EML3: variants seen among roughly 807,000 people sequenced by gnomAD.
The protein encoded by EML3 is echinoderm microtubule-associated protein-like 3.
Under a neutral mutation model 106.7 loss-of-function variants are expected in EML3, and 53 were observed. That is an observed-to-expected ratio of 0.50 (90% CI 0.40 to 0.62). The LOEUF (loss-of-function observed/expected upper bound fraction) is 0.62, where lower values mean the gene tolerates loss of function less well. EML3 is among the 20% of genes least tolerant of loss of function. The pLI is 0.00. For missense variants in EML3, 994 were observed against 1,209.1 expected (o/e 0.82, Z 2.64); for synonymous variants, 499 against 489.6 (o/e 1.02, Z -0.25).
intron 19 of EML3, 63 bp downstream of exon 19, chr11:62,603,665 GC>G (rs1425293470): frequency 1.5e-5 from 20 of 1,372,690 alleles, no homozygotes; most frequent in African/African-American, 2.9e-5. Context: ...ACCTCTAACA[GC>G]CCCCCCTACA....
At position 62,605,095 on chromosome 11, in the gene EML3, G is replaced by C. The variant is rs770058168; in HGVS notation, c.1982+18C>G. 6.2e-7 allele frequency: 1 copy of C among 1,608,476 alleles called. No individual in the cohort carries two copies. The highest frequency in any genetic ancestry group is 1.1e-5 in the South Asian group (1 of 90,482). On this transcript the variant is annotated intron_variant, in intron 16 of 21. Transcript: ENST00000394773. The surrounding 1 kb of genome is among the most constrained non-coding windows in gnomAD (Gnocchi z 5.2). ...GTCCTCCCTGCTTTCCCTCCTGGGA[G>C]TCCTGGCTCTCTCTCACCTCCCCGT...
rs1422553302 is a variant in EML3, at chr11:62,610,890, C to T, written c.555G>A (p.Gly185=). ...GAAGCCTCACCCACCTCTCTGTGCT[C>T]CCGGACCGCACTAACAGGTTGGCGG... ...ISSANLLVRS[G]STESRGGKDP... is the part of the protein sequence containing the mutation. The change falls in exon 4 of 22, where the codon GGG becomes GGA. Residue 185 remains glycine (G), a synonymous_variant. Transcript: ENST00000394773. The T allele has an allele frequency of 1.9e-6, 3 of 1,611,114 alleles. No homozygotes were observed. The highest frequency in any genetic ancestry group is 2.5e-6 in the Non-Finnish European group (3 of 1,179,388).
rs765681583 is a variant in EML3 at position 62,612,129 on chromosome 11, G to A, written c.22+307C>T. On this transcript the variant is annotated intron_variant, in intron 1 of 21. Transcript: ENST00000394773. The stretch of plus-strand genomic sequence containing the variant: ...CAGAGTCACAGTGAAGGTCTCAGGG[G>A]GCAGTGGGGATCAGAAGGAAAAAGA... 13 of 494,016 alleles carry A rather than the reference G, an allele frequency of 2.6e-5. No individual in the cohort carries two copies. The Middle Eastern group carries it at 2.7e-3, about 101-fold the overall frequency. The allele number at this position is 494,016 out of a possible 1,614,324, so 30.6% of individuals were successfully genotyped here.
Position 62,608,809 on chromosome 11 carries a change from AG to A in EML3, c.930-5del. ...ACCATCAGGGTGAACAGCAAGGCTA[AG>A]GCAGGGGGAAGACACTCTAGGGAAA... On this transcript the variant is annotated splice_region_variant and splice_polypyrimidine_tract_variant and intron_variant, in intron 7 of 21. Coordinates refer to ENST00000394773, the MANE Select transcript of EML3 (RefSeq NM_153265.3). The A allele has an allele frequency of 1.9e-6, 3 of 1,569,384 alleles. No homozygotes were observed. Among genetic ancestry groups the A allele is most frequent in the Non-Finnish European group, 2.6e-6 (3 of 1,155,220 alleles).
chr11:62,608,055 A>G lies in EML3; in HGVS notation c.1206+146T>C. 5.7e-6 allele frequency: 5 copies of G among 870,942 alleles called. No homozygotes were observed. In the South Asian group the frequency reaches 6.4e-5, roughly 11 times the overall value. The allele number at this position is 870,942 out of a possible 1,614,324, so 54.0% of individuals were successfully genotyped here. On this transcript the variant is annotated intron_variant, in intron 10 of 21. Transcript: ENST00000394773. ...GTCAGAACCCATGTCACAAATGAAGAAACTAAGGGTCAGAGAAGCTAGGAG... is the reference window on the plus strand; with the variant it reads ...GTCAGAACCCATGTCACAAATGAAGGAACTAAGGGTCAGAGAAGCTAGGAG...
chr11:62,605,780 C>T lies in EML3; in HGVS notation c.1783-7G>A, dbSNP rs567425783. 3.1e-6 allele frequency: 5 copies of T among 1,598,208 alleles called. No individual in the cohort carries two copies. The East Asian group carries it at 1.1e-4, about 36-fold the overall frequency. On this transcript the variant is annotated splice_region_variant and splice_polypyrimidine_tract_variant and intron_variant, in intron 14 of 21. Coordinates refer to ENST00000394773, the MANE Select transcript of EML3 (RefSeq NM_153265.3). The surrounding 1 kb of genome is among the most constrained non-coding windows in gnomAD (Gnocchi z 5.2). ...AGAGCTCATCAGTGTGGCCCTGCAG[C>T]ACAGCATGACTGTCACTCCTGCCCC...
rs2134364237 is a variant in EML3, at chr11:62,605,848, C to T, written c.1782+7G>A. The T allele has an allele frequency of 6.2e-7, 1 of 1,613,982 alleles. No individual in the cohort carries two copies. Among genetic ancestry groups the T allele is most frequent in the Non-Finnish European group, 8.5e-7 (1 of 1,179,904 alleles). ...TCCCTTCCTCCCCTGAGCCCTTAAC[C>T]CCCAACCTGGATTACAGGGGAGAAG... On this transcript the variant is annotated splice_region_variant and intron_variant, in intron 14 of 21. Transcript: ENST00000394773. The surrounding 1 kb of genome is among the most constrained non-coding windows in gnomAD (Gnocchi z 5.2).
Position 62,602,339 on chromosome 11 carries a change from A to G in EML3, c.*136T>C. ...TGCAGGGGCGCCGTTCGCGCCCTCC[A>G]GGAAAATGCGCGATCGGGAATGTCT... On this transcript the variant is annotated 3_prime_UTR_variant, in exon 22 of 22. Coordinates refer to ENST00000394773, the MANE Select transcript of EML3 (RefSeq NM_153265.3). 1.9e-6 allele frequency: 3 copies of G among 1,547,270 alleles called. No homozygotes were observed. The highest frequency in any genetic ancestry group is 4.9e-5 in the East Asian group (2 of 40,722).
intron 19 of EML3, 30 bp from the exon 20 acceptor site, chr11:62,603,277 T>A (rs1942338319): frequency 6.2e-7 from 1 of 1,600,096 alleles, no homozygotes; most frequent in African/African-American, 1.3e-5. Context: ...CCAGCTCAGC[T>A]CTCACCCTGC....
At position 62,603,979 on chromosome 11, in the gene EML3, C is replaced by T; in HGVS notation, c.2134G>A (p.Asp712Asn). ...NVIYIYSVSS[D>N]GAKSSRFGRC... ...CCAAAGCGGCTGGATTTGGCACCAT[C>T]ACTGGAAACACTATAGATGTAGATC... The change falls in exon 18 of 22, where the codon GAT (aspartate) becomes AAT (asparagine). Residue 712 changes from aspartate to asparagine, a missense_variant. This residue lies in a region of EML3 where 713 missense variants were observed against 920.5 expected (regional missense o/e 0.77). Transcript: ENST00000394773. The T allele has an allele frequency of 6.2e-7, 1 of 1,614,154 alleles. No homozygotes were observed. The highest frequency in any genetic ancestry group is 8.5e-7 in the Non-Finnish European group (1 of 1,180,046).
rs978002852 is a variant in EML3, at chr11:62,611,104, G to A, written c.435C>T (p.Pro145=). ...ACACCTACGTGTCAGCACGCTGTGG[G>A]GGCTGCAAGGGCCTGAGGATCCCCG... The part of the protein sequence containing the change: ...GPPGILRPLQ[P]PQRADTPRRN... Residue 145 remains proline (P), a synonymous_variant, in exon 3 of 22, where the codon CCC becomes CCT. Transcript: ENST00000394773. 2.5e-6 allele frequency: 4 copies of A among 1,596,980 alleles called. No homozygotes were observed. Among genetic ancestry groups the A allele is most frequent in the Admixed American group, 1.7e-5 (1 of 58,950 alleles).
chr11:62,605,629 C>T lies in EML3; in HGVS notation c.1914+13G>A. On this transcript the variant is annotated intron_variant, in intron 15 of 21. Coordinates refer to ENST00000394773, the MANE Select transcript of EML3 (RefSeq NM_153265.3). This position sits in a 1 kb window ranked among gnomAD's most constrained non-coding sequence, Gnocchi z 5.2. ...GGGTGTGGCATGGGGGATCCAGGGGCACAGGGCTCTACCTTGAGGTCGATG... is the reference window on the plus strand; with the variant it reads ...GGGTGTGGCATGGGGGATCCAGGGGTACAGGGCTCTACCTTGAGGTCGATG... 6.6e-7 allele frequency: 1 copy of T among 1,520,990 alleles called. No homozygotes were observed. Among genetic ancestry groups the T allele is most frequent in the South Asian group, 1.3e-5 (1 of 76,336 alleles). The allele number at this position is 1,520,990 out of a possible 1,614,324, so 94.2% of individuals were successfully genotyped here.
Position 62,610,898 on chromosome 11 carries a change from G to A in EML3, c.547C>T (p.Arg183Trp), listed in dbSNP as rs766414634. Residue 183 changes from arginine (R) to tryptophan (W), a missense_variant, in exon 4 of 22, where the codon CGG (arginine) becomes TGG (tryptophan). Coordinates refer to ENST00000394773, the MANE Select transcript of EML3 (RefSeq NM_153265.3). Reference sequence around the variant, plus strand: ...ACCCACCTCTCTGTGCTCCCGGACCGCACTAACAGGTTGGCGGAGGAGATT... The same window carrying A: ...ACCCACCTCTCTGTGCTCCCGGACCACACTAACAGGTTGGCGGAGGAGATT... ...KAISSANLLV[R>W]SGSTESRGGK... The A allele has an allele frequency of 4.3e-6, 7 of 1,611,480 alleles. No individual in the cohort carries two copies. The African/African-American group carries it at 6.7e-5, about 15-fold the overall frequency.
chr11:62,606,309 G>T, intron 12 of EML3, 95 bp from the exon 13 acceptor site: 2 of 1,392,722 alleles, frequency 1.4e-6, no homozygotes, highest in Non-Finnish European at 2.0e-6. Context: ...AGAACTCCCA[G>T]CCATTGCATG....
intron 6 of EML3, 24 bp downstream of exon 6, chr11:62,609,330 A>G (rs770222668): frequency 6.5e-7 from 1 of 1,542,938 alleles, no homozygotes; most frequent in South Asian, 1.3e-5. Context: ...GGTGGTTCTC[A>G]TGGGACTGGA....
At position 62,603,995 on chromosome 11, in the gene EML3, G is replaced by C; in HGVS notation, c.2118C>G (p.Ile706Met). Residue 706 changes from isoleucine (I) to methionine (M), a missense_variant, in exon 18 of 22, where the codon ATC becomes ATG. Coordinates refer to ENST00000394773, the MANE Select transcript of EML3 (RefSeq NM_153265.3). ...AIGSHDNVIY[I>M]YSVSSDGAKS... ...TGGCACCATCACTGGAAACACTATA[G>C]ATGTAGATCACGTTGTCATGGGAAC... The C allele has an allele frequency of 6.2e-7, 1 of 1,614,114 alleles. No individual in the cohort carries two copies.
At position 62,608,971 on chromosome 11, in the gene EML3, C is replaced by T. The variant is rs1163107051; in HGVS notation, c.920G>A (p.Cys307Tyr). Residue 307 changes from cysteine (C) to tyrosine (Y), a missense_variant, in exon 7 of 22, where the codon TGC becomes TAC. Around this residue, in one of 3 missense-constraint regions of EML3, gnomAD observed 713 missense variants for 920.5 expected, o/e 0.77. Transcript: ENST00000394773. ...GQRHYRGHTD[C>Y]VRCLAVHPDG... ...GCCCCGGACTCCTCACCATCGAACGCAGTCTGTGTGCCCCCGGTAATGTCT... is the reference window on the plus strand; with the variant it reads ...GCCCCGGACTCCTCACCATCGAACGTAGTCTGTGTGCCCCCGGTAATGTCT... The T allele has an allele frequency of 1.2e-6, 2 of 1,613,770 alleles. No individual in the cohort carries two copies. Among genetic ancestry groups the T allele is most frequent in the African/African-American group, 1.3e-5 (1 of 74,906 alleles).
chr11:62,604,179 T>A lies in EML3; in HGVS notation c.2005A>T (p.Thr669Ser), dbSNP rs1323078136. ...ATGACATCAGACACGATCTCTCTGG[T>A]CTCTGTGTCCAAAACCAACCACCTG... The part of the protein sequence containing the change: ...TGRWLVLDTE[T>S]REIVSDVIDG... Residue 669 changes from threonine to serine, a missense_variant, in exon 17 of 22, where the codon ACC becomes TCC. By Grantham distance (58) the Thr-to-Ser change is moderately conservative. Transcript: ENST00000394773. 1 of 1,613,508 alleles carries A rather than the reference T, an allele frequency of 6.2e-7. No homozygotes were observed. Among genetic ancestry groups the A allele is most frequent in the African/African-American group, 1.3e-5 (1 of 74,832 alleles).
Position 62,606,947 on chromosome 11 carries a change from C to A in EML3, c.1504+11G>T, listed in dbSNP as rs754209940. The A allele has an allele frequency of 6.2e-7, 1 of 1,612,536 alleles. No homozygotes were observed. The highest frequency in any genetic ancestry group is 8.5e-7 in the Non-Finnish European group (1 of 1,179,120). ...TACTACACTTCCCAGATGCCCCTCC[C>A]AGCCACATACCTTTGGCGCCACCCC... On this transcript the variant is annotated intron_variant, in intron 12 of 21. Coordinates refer to ENST00000394773, the MANE Select transcript of EML3 (RefSeq NM_153265.3).
Sources: allele counts gnomAD v4.1 joint callset, GRCh38; gene constraint gnomAD v4.1.1; regional missense constraint gnomAD v4.1.1; non-coding constraint Gnocchi (gnomAD v3.1); transcripts MANE v1.5; gene names NCBI Gene and HGNC (gene_info 2026-07-23, HGNC 2026-07-21).